MED28: variants seen among roughly 807,000 people sequenced by gnomAD.
The protein encoded by MED28 is mediator complex subunit 28.
In MED28, 26 loss-of-function variants were observed where a neutral mutation model predicts 21.3. The observed-to-expected ratio is 1.22, with a 90% CI of 0.89 to 1.69. The LOEUF is 1.69. Among genes scored for constraint, MED28 ranks in the 40% most tolerant of loss-of-function variants. The pLI is 0.00. For missense variants in MED28, 257 were observed against 215.4 expected (o/e 1.19, Z -1.21); for synonymous variants, 110 against 87.6 (o/e 1.26, Z -1.43).
At position 17,631,425 on chromosome 4, in the gene MED28, A is replaced by G. The variant is rs1435438326; in HGVS notation, c.*7627A>G. 1.3e-5 allele frequency: 2 copies of G among 152,200 alleles called. No homozygotes were observed. The highest frequency in any genetic ancestry group is 2.9e-5 in the Non-Finnish European group (2 of 68,094). 9.4% of individuals were successfully genotyped at this position (152,200 alleles called of 1,614,324 possible). A position where few individuals can be genotyped will look rare whatever the true frequency, so the allele number is the denominator to read the frequency against. On this transcript the variant is annotated 3_prime_UTR_variant, in exon 4 of 4. Coordinates refer to ENST00000237380, the MANE Select transcript of MED28 (RefSeq NM_025205.5). The stretch of plus-strand genomic sequence containing the variant: ...AGCTCTCCTCCCATCTCAGCCTCCC[A>G]AAGTGTTGGGATTACAGGCATGAGC...
In MED28 at chr4:17,621,653, A is replaced by G. The variant is rs1262946568; in HGVS notation, c.293A>G (p.Lys98Arg). ...ARQTECFFLQ[K>R]RLQLSVQKPE... ...CAGACAGAATGTTTTTTCTTACAAA[A>G]AAGATTGCAGTTATCTGTCCAGAAA... Residue 98 changes from lysine to arginine, a missense_variant, in exon 3 of 4, where the codon AAA becomes AGA. By Grantham distance (26) the Lys-to-Arg change is conservative. Transcript: ENST00000237380. 6.2e-7 allele frequency: 1 copy of G among 1,611,396 alleles called. No homozygotes were observed. The highest frequency in any genetic ancestry group is 1.1e-5 in the South Asian group (1 of 89,362).
intron 3 of MED28, 22 bp downstream of exon 3, chr4:17,621,721 C>T (rs143222695): frequency 1.3e-6 from 2 of 1,490,748 alleles, no homozygotes; most frequent in East Asian, 2.3e-5. Context: ...GTTTTCTCCT[C>T]AGCTCTATAG....
At position 17,634,040 on chromosome 4, in the gene MED28, C is replaced by T; in HGVS notation, c.*10242C>T. ...CACTTACATGCTATTTTTTAAAGCA[C>T]TTTTCCCTCCAATCTTCATTTTGTA... is the stretch of plus-strand genomic sequence containing the variant. On this transcript the variant is annotated 3_prime_UTR_variant, in exon 4 of 4. Coordinates refer to ENST00000237380, the MANE Select transcript of MED28 (RefSeq NM_025205.5). 1.9e-6 allele frequency: 1 copy of T among 523,452 alleles called. No homozygotes were observed. The highest frequency in any genetic ancestry group is 3.1e-6 in the Non-Finnish European group (1 of 325,618). The allele number at this position is 523,452 out of a possible 1,614,324, so 32.4% of individuals were successfully genotyped here.
intron 1 of MED28, 21 bp downstream of exon 1, chr4:17,614,834 C>A (rs1560155669): frequency 1.3e-6 from 2 of 1,581,500 alleles, no homozygotes; most frequent in African/African-American, 1.4e-5. Context: ...ACATGGGCGT[C>A]TTTGTCCCTA....
chr4:17,625,665 T>G lies in MED28; in HGVS notation c.*1867T>G. On this transcript the variant is annotated 3_prime_UTR_variant, in exon 4 of 4. Transcript: ENST00000237380. ...TCTTCTCTGTTTGTAGACATCTTAC[T>G]GGGTGATGAATAATCCTCTAAGAAA... 2.2e-6 allele frequency: 1 copy of G among 449,258 alleles called. No homozygotes were observed. Among genetic ancestry groups the G allele is most frequent in the South Asian group, 1.6e-5 (1 of 62,902 alleles). 27.8% of individuals were successfully genotyped at this position (449,258 alleles called of 1,614,324 possible).
Position 17,619,913 on chromosome 4 carries a change from T to A in MED28, c.172T>A (p.Ser58Thr), listed in dbSNP as rs1022390330. 6.2e-6 allele frequency: 10 copies of A among 1,614,070 alleles called. No homozygotes were observed. Among genetic ancestry groups the A allele is most frequent in the Non-Finnish European group, 8.5e-6 (10 of 1,180,014 alleles). ...TTTGATTACACAGGCTTGCTTTGCATCTCTGGTGAGTCAGGACTATGTCAA... is the reference window on the plus strand; with the variant it reads ...TTTGATTACACAGGCTTGCTTTGCAACTCTGGTGAGTCAGGACTATGTCAA... ...LESSFEACFA[S>T]LVSQDYVNGT... is the part of the protein sequence containing the mutation. The change falls in exon 2 of 4, where the codon TCT (serine) becomes ACT (threonine). Residue 58 changes from serine (S) to threonine (T), a missense_variant. Transcript: ENST00000237380.
Position 17,625,957 on chromosome 4 carries a change from G to T in MED28, c.*2159G>T. On this transcript the variant is annotated 3_prime_UTR_variant, in exon 4 of 4. Transcript: ENST00000237380. Reference sequence around the variant, plus strand: ...CACATTTTGTAAATGATCCCATTCAGTCTTCTAGAAGCCTTATAACAGAAT... The same window carrying T: ...CACATTTTGTAAATGATCCCATTCATTCTTCTAGAAGCCTTATAACAGAAT... 1 of 179,498 alleles carries T rather than the reference G, an allele frequency of 5.6e-6. No homozygotes were observed. The highest frequency in any genetic ancestry group is 1.2e-5 in the Non-Finnish European group (1 of 85,028). The allele number at this position is 179,498 out of a possible 1,614,324, so 11.1% of individuals were successfully genotyped here.
rs1418135994 is a variant in MED28, at chr4:17,616,868, A to G, written c.159+2055A>G. Among the ~76,000 whole-genome samples the G allele has an allele frequency of 3.3e-5, 5 of 152,188 alleles. 1 individual carries two copies. The highest frequency in any genetic ancestry group is 3.3e-4 in the Admixed American group (5 of 15,274). On this transcript the variant is annotated intron_variant, in intron 1 of 3. Coordinates refer to ENST00000237380, the MANE Select transcript of MED28 (RefSeq NM_025205.5). ...AGCCTGTAGTGTAGTTGGCTTGTGCACAGAACTCCTTGCCTGATTCACATA... is the reference window on the plus strand; with the variant it reads ...AGCCTGTAGTGTAGTTGGCTTGTGCGCAGAACTCCTTGCCTGATTCACATA...
Position 17,627,455 on chromosome 4 carries a change from C to T in MED28, c.*3657C>T, listed in dbSNP as rs761695972. Reference sequence around the variant, plus strand: ...CATCTTCCCTTCTTTCCTCTTTTCTCCTCCACCCAAATGTCTTAACTGTTA... The same window carrying T: ...CATCTTCCCTTCTTTCCTCTTTTCTTCTCCACCCAAATGTCTTAACTGTTA... On this transcript the variant is annotated 3_prime_UTR_variant, in exon 4 of 4. Coordinates refer to ENST00000237380, the MANE Select transcript of MED28 (RefSeq NM_025205.5). 1.3e-5 allele frequency: 2 copies of T among 151,288 alleles called. No individual in the cohort carries two copies. Among genetic ancestry groups the T allele is most frequent in the Non-Finnish European group, 2.9e-5 (2 of 68,218 alleles). 9.4% of individuals were successfully genotyped at this position (151,288 alleles called of 1,614,324 possible).
chr4:17,617,732 C>T (rs1207729907), intron 1 of MED28, among the ~76,000 whole-genome samples: 2 of 152,100 alleles, frequency 1.3e-5, no homozygotes, highest in African/African-American at 4.8e-5. Flanking sequence ...CATGGTGAAA[C>T]CCCATCTCTA....
chr4:17,624,796 A>G lies in MED28; in HGVS notation c.*998A>G, dbSNP rs1323159756. Reference sequence around the variant, plus strand: ...ATCATTGGCTACTGAGCCTCCACAGAGAGCATGTGGTGCCCTGCCTTTGGG... The same window carrying G: ...ATCATTGGCTACTGAGCCTCCACAGGGAGCATGTGGTGCCCTGCCTTTGGG... On this transcript the variant is annotated 3_prime_UTR_variant, in exon 4 of 4. Coordinates refer to ENST00000237380, the MANE Select transcript of MED28 (RefSeq NM_025205.5). 1 of 152,090 alleles carries G rather than the reference A, an allele frequency of 6.6e-6. No homozygotes were observed. The highest frequency in any genetic ancestry group is 1.5e-5 in the Non-Finnish European group (1 of 68,034). 9.4% of individuals were successfully genotyped at this position (152,090 alleles called of 1,614,324 possible).
intron 3 of MED28, among the ~76,000 whole-genome samples, chr4:17,623,311 G>T (rs941871514): frequency 6.9e-6 from 1 of 145,142 alleles, no homozygotes; most frequent in Non-Finnish European, 1.5e-5. Flanking sequence ...TGAGGCAGGA[G>T]AATCACTTGA....
rs1442619325 is a variant in MED28 at position 17,624,321 on chromosome 4, T to G, written c.*523T>G. 2 of 158,284 alleles carry G rather than the reference T, an allele frequency of 1.3e-5. No individual in the cohort carries two copies. Among genetic ancestry groups the G allele is most frequent in the East Asian group, 1.8e-4 (1 of 5,444 alleles). 9.8% of individuals were successfully genotyped at this position (158,284 alleles called of 1,614,324 possible). On this transcript the variant is annotated 3_prime_UTR_variant, in exon 4 of 4. Coordinates refer to ENST00000237380, the MANE Select transcript of MED28 (RefSeq NM_025205.5). ...ACAATATTTGTAATGTTTCCAGAGC[T>G]CTCAGAATGAGGATTTTTTTGTAAA... is the stretch of plus-strand genomic sequence containing the variant.
chr4:17,629,678 T>G lies in MED28; in HGVS notation c.*5880T>G, dbSNP rs968195639. ...TTAACTTAATCCCGAATTGGATAAT[T>G]TCTCTTCATCTTCACTGTCACCTCT... On this transcript the variant is annotated 3_prime_UTR_variant, in exon 4 of 4. Transcript: ENST00000237380. The G allele has an allele frequency of 4.6e-5, 7 of 152,234 alleles. No individual in the cohort carries two copies. The highest frequency in any genetic ancestry group is 1.2e-4 in the African/African-American group (5 of 41,456). 9.4% of individuals were successfully genotyped at this position (152,234 alleles called of 1,614,324 possible).
rs1476027903 is a variant in MED28 at position 17,625,699 on chromosome 4, G to A, written c.*1901G>A. 1 of 445,958 alleles carries A rather than the reference G, an allele frequency of 2.2e-6. No individual in the cohort carries two copies. The highest frequency in any genetic ancestry group is 7.1e-5 in the East Asian group (1 of 14,080). 27.6% of individuals were successfully genotyped at this position (445,958 alleles called of 1,614,324 possible). ...AATAATCCTCTAAGAAACCCTCTGA[G>A]CTGCTAACTTTTTCAGGGAGAAAAT... On this transcript the variant is annotated 3_prime_UTR_variant, in exon 4 of 4. Transcript: ENST00000237380.
chr4:17,619,013 G>A (rs1336675287), intron 1 of MED28, among the ~76,000 whole-genome samples: 1 of 152,242 alleles, frequency 6.6e-6, no homozygotes, highest in Non-Finnish European at 1.5e-5. Flanking sequence ...CACACCAAGT[G>A]TAGTTTGCTG....
intron 1 of MED28, among the ~76,000 whole-genome samples, chr4:17,616,851 G>A (rs1714467868): frequency 6.6e-6 from 1 of 152,208 alleles, no homozygotes; most frequent in African/African-American, 2.4e-5. Flanking sequence ...GGAGCCTGTA[G>A]TGTAGTTGGC....
At chr4:17,623,496 T>C (rs1714691129) in intron 3 of MED28, 105 bp from the exon 4 acceptor site, 4 of 1,099,820 alleles carry the variant, frequency 3.6e-6, no homozygotes, top group Admixed American at 2.0e-5. Context: ...CTTAATATGG[T>C]TTAATGGATT....
At chr4:17,615,708 G>A (rs1157019720) in intron 1 of MED28, among the ~76,000 whole-genome samples, 1 of 152,158 alleles carries the variant, frequency 6.6e-6, no homozygotes, top group Non-Finnish European at 1.5e-5. Context: ...TACTCGAGAG[G>A]CTGAGGCAGG....
Sources: gnomAD v4.1 joint callset for allele counts (sites outside exome capture counted in the v4.1 genomes callset) on GRCh38, gnomAD v4.1.1 for gene constraint, MANE v1.5 for transcripts, NCBI Gene and HGNC (gene_info 2026-07-23, HGNC 2026-07-21) for gene names.